Variants in RBFOX1 observed in about 807,000 individuals in gnomAD.
RBFOX1 encodes RNA binding protein fox-1 homolog 1.
Under a neutral mutation model 57.7 loss-of-function variants are expected in RBFOX1, and 8 were observed. The ratio of observed to expected loss-of-function variants is 0.14; its 90% CI spans 0.08 to 0.25. RBFOX1 has a LOEUF of 0.25. RBFOX1 is among the 10% of genes least tolerant of loss of function. The pLI, the probability that RBFOX1 is intolerant of heterozygous loss-of-function variation, is 1.00. For synonymous variants in RBFOX1, 326 were observed against 222.4 expected, an observed-to-expected ratio of 1.47 and a Z score of -4.15; for missense variants, 611 against 548.5, an observed-to-expected ratio of 1.11 and a Z score of -1.14.
rs540876127 is a variant in RBFOX1, at chr16:5,269,115, C to T, written c.219+29010C>T. On this transcript the variant is annotated intron_variant, in intron 1 of 2. Transcript: ENST00000585867. Reference sequence around the variant, plus strand: ...TTTTTTTAGTAGAGACAGGGTTTCACCATGTTGGCCAGGCTGGTCTCAAAC... The same window carrying T: ...TTTTTTTAGTAGAGACAGGGTTTCATCATGTTGGCCAGGCTGGTCTCAAAC... Among the ~76,000 whole-genome samples, 5 of 152,314 alleles carry T rather than the reference C, an allele frequency of 3.3e-5. No individual in the cohort carries two copies. In the East Asian group the frequency reaches 9.6e-4, roughly 29 times the overall value.
intron 3 of RBFOX1, among the ~76,000 whole-genome samples, chr16:7,041,934 G>C (rs1354636033): frequency 1.3e-5 from 2 of 152,120 alleles, no homozygotes; most frequent in Non-Finnish European, 2.9e-5. Context: ...GGTACAAATG[G>C]GGAAATTGCC....
chr16:7,313,342 TTC>T (rs1440984791), intron 4 of RBFOX1, among the ~76,000 whole-genome samples: 2 of 152,184 alleles, frequency 1.3e-5, no homozygotes, highest in Non-Finnish European at 2.9e-5. Context: ...AGTGGAGAAA[TTC>T]TCTTTTCTTC....
At position 6,033,020 on chromosome 16, in the gene RBFOX1, G is replaced by A. The variant is rs147793713; in HGVS notation, c.-127+13028G>A. Among the ~76,000 whole-genome samples, 717 of 152,184 alleles carry A rather than the reference G, an allele frequency of 4.7e-3. 6 individuals are homozygous for A. The highest frequency in any genetic ancestry group is 0.017 in the African/African-American group (689 of 41,520). ...TATTTCAAAGCTGGAGTTTGCAAAG[G>A]AAGGTAGTGTAGGGTTGGGTATGGC... On this transcript the variant is annotated intron_variant, in intron 1 of 15. Coordinates refer to ENST00000550418, the MANE Select transcript of RBFOX1 (RefSeq NM_018723.4).
chr16:5,574,754 A>G (rs1483972253), intron 2 of RBFOX1, among the ~76,000 whole-genome samples: 1 of 152,088 alleles, frequency 6.6e-6, no homozygotes, highest in Non-Finnish European at 1.5e-5. Flanking sequence ...TAGTCTGTGC[A>G]TCTCTGAGGT....
chr16:6,959,963 A>G (rs761383928), intron 3 of RBFOX1, among the ~76,000 whole-genome samples: 5 of 152,176 alleles, frequency 3.3e-5, no homozygotes, highest in African/African-American at 4.8e-5. Context: ...ATAAATGCCA[A>G]GAAAGCCAGT....
At chr16:5,980,486 A>C (rs1481296246) in intron 4 of RBFOX1, among the ~76,000 whole-genome samples, 1 of 152,142 alleles carries the variant, frequency 6.6e-6, no homozygotes, top group African/African-American at 2.4e-5. Context: ...AGCAGACCTG[A>C]GAGCTGTTCA....
chr16:7,463,386 C>T (rs544783979), intron 4 of RBFOX1, among the ~76,000 whole-genome samples: 1 of 152,260 alleles, frequency 6.6e-6, no homozygotes, highest in African/African-American at 2.4e-5. Context: ...TGCCTGTAAT[C>T]TCCGATACTC....
intron 4 of RBFOX1, among the ~76,000 whole-genome samples, chr16:5,960,490 T>C (rs1239073008): frequency 6.6e-6 from 1 of 152,164 alleles, no homozygotes; most frequent in Admixed American, 6.5e-5. Context: ...GACAATGTCA[T>C]CTTCAAACAC....
intron 4 of RBFOX1, among the ~76,000 whole-genome samples, chr16:5,902,407 T>C (rs560836061): frequency 7.9e-5 from 12 of 152,226 alleles, no homozygotes; most frequent in African/African-American, 2.6e-4. Context: ...ATTTAATTAA[T>C]TAATTTATTT....
intron 5 of RBFOX1, among the ~76,000 whole-genome samples, chr16:7,548,343 G>T (rs112577025): frequency 6.6e-6 from 1 of 152,124 alleles, no homozygotes; most frequent in African/African-American, 2.4e-5. Flanking sequence ...TTTTAGTAGA[G>T]ACAGGGTTTC....
At chr16:5,639,265 G>T (rs917419991) in intron 3 of RBFOX1, among the ~76,000 whole-genome samples, 1 of 152,190 alleles carries the variant, frequency 6.6e-6, no homozygotes, top group African/African-American at 2.4e-5. Flanking sequence ...TTGCACAATT[G>T]TGCTGATTAA....
intron 4 of RBFOX1, among the ~76,000 whole-genome samples, chr16:7,276,483 C>T (rs7203067): frequency 2.6e-5 from 4 of 152,172 alleles, no homozygotes; most frequent in Admixed American, 2.0e-4. Context: ...TATATTCTCT[C>T]TTTTTATCTC....
chr16:5,924,903 G>A (rs944278668), intron 4 of RBFOX1, among the ~76,000 whole-genome samples: 1 of 152,196 alleles, frequency 6.6e-6, no homozygotes, highest in African/African-American at 2.4e-5. Flanking sequence ...CAGACTGGGA[G>A]CTCAGTAAAG....
At chr16:5,553,923 C>T (rs76105440) in intron 2 of RBFOX1, among the ~76,000 whole-genome samples, 7,347 of 151,146 alleles carry the variant, frequency 0.049, 196 homozygotes, top group East Asian at 0.1. Flanking sequence ...GATTGGCAAA[C>T]AACAGACATG....
intron 1 of RBFOX1, among the ~76,000 whole-genome samples, chr16:6,315,557 ATGGATGGATGGATGGATGGATAGATGG>A: frequency 1.4e-5 from 1 of 71,586 alleles, no homozygotes; most frequent in Non-Finnish European, 3.7e-5. Context: ...GGATGGATGG[ATGGATGGATGGATGGATGGATAGATGG>A]ATGGATGGAT....
intron 10 of RBFOX1, among the ~76,000 whole-genome samples, chr16:7,611,572 T>C (rs1162485230): frequency 6.8e-6 from 1 of 146,318 alleles, no homozygotes; most frequent in Non-Finnish European, 1.5e-5. Flanking sequence ...AGAGCAAAAC[T>C]CTGTCTCAAA....
Position 6,591,794 on chromosome 16 carries a change from A to G in RBFOX1, c.-63-62809A>G, listed in dbSNP as rs545406096. Among the ~76,000 whole-genome samples, 9 of 152,336 alleles carry G rather than the reference A, an allele frequency of 5.9e-5. 1 individual carries two copies. The South Asian group carries it at 1.9e-3, about 32-fold the overall frequency. On this transcript the variant is annotated intron_variant, in intron 2 of 15. Coordinates refer to ENST00000550418, the MANE Select transcript of RBFOX1 (RefSeq NM_018723.4). Reference sequence around the variant, plus strand: ...AAATGAAGAAGGAGAAGCATTTTAAACGCACTAACAAACCTCACTTTTTAA... The same window carrying G: ...AAATGAAGAAGGAGAAGCATTTTAAGCGCACTAACAAACCTCACTTTTTAA...
intron 4 of RBFOX1, among the ~76,000 whole-genome samples, chr16:7,132,425 GATACACAGACACACACACAC>G (rs1424317965): frequency 7.2e-6 from 1 of 138,770 alleles, no homozygotes; most frequent in African/African-American, 2.8e-5. Flanking sequence ...AAGAAATTGT[GATACACAGACACACACACAC>G]ACACACACAC....
chr16:6,635,689 G>C (rs1367690402), intron 2 of RBFOX1, among the ~76,000 whole-genome samples: 1 of 152,154 alleles, frequency 6.6e-6, no homozygotes, highest in Non-Finnish European at 1.5e-5. Flanking sequence ...TTACGGTTTT[G>C]TGAATTCAAA....
Sources: allele counts gnomAD v4.1 joint callset (sites outside exome capture counted in the v4.1 genomes callset), GRCh38; gene constraint gnomAD v4.1.1; transcripts MANE v1.5; gene names NCBI Gene and HGNC (gene_info 2026-07-23, HGNC 2026-07-21).